FAR2: variants seen among roughly 807,000 people sequenced by gnomAD.
FAR2 encodes the protein fatty acyl-CoA reductase 2.
FAR2 carries 19 observed loss-of-function variants against 56.0 expected under a neutral mutation model. That is an observed-to-expected ratio of 0.34 (90% confidence interval 0.24 to 0.50). The LOEUF is 0.50. Ranked by LOEUF, FAR2 falls within the 20% of genes least tolerant of loss-of-function variation. FAR2 has a pLI of 0.98. For missense variants in FAR2, 508 were observed against 642.2 expected, an observed-to-expected ratio of 0.79 and a Z score of 2.26; for synonymous variants, 219 against 218.8, an observed-to-expected ratio of 1.00 and a Z score of -0.01.
At chr12:29,293,998 T>C (rs1949015981) in intron 3 of FAR2, among the ~76,000 whole-genome samples, 2 of 152,172 alleles carry the variant, frequency 1.3e-5, no homozygotes, top group Non-Finnish European at 1.5e-5. Context: ...CAGATACATA[T>C]CAGATGTTAC....
chr12:29,168,218 G>C (rs1949849443), intron 1 of FAR2, among the ~76,000 whole-genome samples: 1 of 152,140 alleles, frequency 6.6e-6, no homozygotes, highest in Non-Finnish European at 1.5e-5. Context: ...CTCCATAAAA[G>C]GGAAGCCTGC....
intron 8 of FAR2, among the ~76,000 whole-genome samples, chr12:29,314,457 T>C (rs1949411848): frequency 6.8e-6 from 1 of 146,408 alleles, no homozygotes; most frequent in Non-Finnish European, 1.5e-5. Flanking sequence ...TATCTGTCAA[T>C]GAGAATAATA....
chr12:29,230,223 T>A (rs1260217451), intron 1 of FAR2, among the ~76,000 whole-genome samples: 1 of 151,956 alleles, frequency 6.6e-6, no homozygotes, highest in Non-Finnish European at 1.5e-5. Flanking sequence ...ATGGAAAGGA[T>A]GAGCTAAACA....
rs560458959 is a variant in FAR2 at position 29,159,612 on chromosome 12, A to G, written c.-39+10205A>G. Among the ~76,000 whole-genome samples the G allele has an allele frequency of 3.3e-5, 5 of 152,034 alleles. 1 individual carries two copies. Among genetic ancestry groups the G allele is most frequent in the African/African-American group, 1.2e-4 (5 of 41,506 alleles). ...GAAGATCATGAAAATTCTTCCCCAG[A>G]AAACAATGTTCTTGATTCACCACCG... On this transcript the variant is annotated intron_variant, in intron 1 of 11. Transcript: ENST00000536681.
At chr12:29,152,780 TGA>T (rs1447761483) in intron 1 of FAR2, among the ~76,000 whole-genome samples, 2 of 152,216 alleles carry the variant, frequency 1.3e-5, no homozygotes, top group Non-Finnish European at 2.9e-5. Context: ...TGGCACCAAA[TGA>T]GTGGTGCAGA....
intron 1 of FAR2, among the ~76,000 whole-genome samples, chr12:29,217,433 G>A (rs959311851): frequency 2.8e-4 from 42 of 152,338 alleles, no homozygotes; most frequent in South Asian, 1.0e-3. Context: ...CTTTTGCTGA[G>A]TTTCCAGAAG....
intron 2 of FAR2, chr12:29,280,787 A>C (rs1315097467): frequency 6.6e-6 from 1 of 152,246 alleles, no homozygotes; most frequent in African/African-American, 2.4e-5. Context: ...GAGGCACTGG[A>C]CATCATGTGG....
chr12:29,278,515 A>AT (rs76118860), intron 2 of FAR2, among the ~76,000 whole-genome samples: 141 of 145,246 alleles, frequency 9.7e-4, no homozygotes, highest in East Asian at 1.6e-3. Flanking sequence ...ATTGTTTTTA[A>AT]TTTTTTTTTT....
At chr12:29,263,485 A>G (rs1396640515) in intron 1 of FAR2, among the ~76,000 whole-genome samples, 1 of 152,164 alleles carries the variant, frequency 6.6e-6, no homozygotes, top group Admixed American at 6.5e-5. Flanking sequence ...GTAGAAGTCA[A>G]CAACAAGACC....
intron 2 of FAR2, among the ~76,000 whole-genome samples, chr12:29,275,923 CA>C (rs1241901561): frequency 2.2e-4 from 34 of 152,168 alleles, no homozygotes; most frequent in Admixed American, 1.3e-3. Flanking sequence ...TATTTACTGT[CA>C]GCTGTTGACT....
intron 4 of FAR2, among the ~76,000 whole-genome samples, chr12:29,298,415 TTAAA>T (rs1949106944): frequency 6.6e-6 from 1 of 151,958 alleles, no homozygotes; most frequent in South Asian, 2.1e-4. Context: ...TATATACTCT[TTAAA>T]AAGTTTTAGC....
intron 1 of FAR2, among the ~76,000 whole-genome samples, chr12:29,256,451 G>A (rs183940680): frequency 8.5e-5 from 13 of 152,304 alleles, no homozygotes; most frequent in African/African-American, 2.6e-4. Context: ...GCCTCCCAAA[G>A]TGCTAGGATT....
intron 1 of FAR2, among the ~76,000 whole-genome samples, chr12:29,169,659 T>A (rs1949866671): frequency 6.6e-6 from 1 of 152,242 alleles, no homozygotes; most frequent in African/African-American, 2.4e-5. Context: ...AGTCCTCCTT[T>A]CTCAGCATTG....
At chr12:29,310,155 C>T (rs7976961) in intron 6 of FAR2, among the ~76,000 whole-genome samples, 45,731 of 152,038 alleles carry the variant, frequency 0.3, 6,996 homozygotes, top group East Asian at 0.35. Context: ...TTGGGGTGAA[C>T]GTTTAGTGAC....
chr12:29,307,871 C>T (rs1949279314), intron 5 of FAR2, 36 bp downstream of exon 5: 1 of 1,582,148 alleles, frequency 6.3e-7, no homozygotes, highest in South Asian at 1.2e-5. Context: ...GTTTTGCTTC[C>T]AAACTAAGGT....
At chr12:29,262,476 CA>C (rs1398237874) in intron 1 of FAR2, among the ~76,000 whole-genome samples, 2 of 151,862 alleles carry the variant, frequency 1.3e-5, no homozygotes, top group Non-Finnish European at 2.9e-5. Context: ...ACTAAAAATA[CA>C]AAATTAGTCA....
In FAR2 at chr12:29,202,853, G is replaced by A. The variant is rs1001968418; in HGVS notation, c.-39+53446G>A. ...TGCTTCCTGTTTGGCCTGCAAAACC[G>A]TGAGCCAAATAAACCTCTTTTCTTT... On this transcript the variant is annotated intron_variant, in intron 1 of 11. Coordinates refer to ENST00000536681, the MANE Select transcript of FAR2 (RefSeq NM_001271783.2). Among the ~76,000 whole-genome samples, 5 of 152,104 alleles carry A rather than the reference G, an allele frequency of 3.3e-5. No homozygotes were observed. In the South Asian group the frequency reaches 6.2e-4, roughly 19 times the overall value.
intron 1 of FAR2, among the ~76,000 whole-genome samples, chr12:29,234,210 TGTTGGAATATCTA>T (rs1947900214): frequency 6.6e-6 from 1 of 152,138 alleles, no homozygotes; most frequent in South Asian, 2.1e-4. Context: ...AACCCAAGCT[TGTTGGAATATCTA>T]GTTGCTTTAT....
rs1949763402 is a variant in FAR2, at chr12:29,333,733, T to C, written c.1487T>C (p.Ile496Thr). 3.1e-6 allele frequency: 5 copies of C among 1,613,796 alleles called. No homozygotes were observed. The highest frequency in any genetic ancestry group is 1.3e-5 in the African/African-American group (1 of 74,934). ...ATGGCTCGGAATGTCTGGTTCTTCATTGTAAGCTTCTGTTATAAATTCCTC... is the reference window on the plus strand; with the variant it reads ...ATGGCTCGGAATGTCTGGTTCTTCACTGTAAGCTTCTGTTATAAATTCCTC... ...SQMARNVWFF[I>T]VSFCYKFLSY... The change falls in exon 12 of 12, where the codon ATT (isoleucine) becomes ACT (threonine). Residue 496 changes from isoleucine (I) to threonine (T), a missense_variant. By Grantham distance (89) the Ile-to-Thr change is moderately conservative (BLOSUM62 -1). Transcript: ENST00000536681.
Sources: allele counts gnomAD v4.1 joint callset (sites outside exome capture counted in the v4.1 genomes callset), GRCh38; gene constraint gnomAD v4.1.1; transcripts MANE v1.5; gene names NCBI Gene and HGNC (gene_info 2026-07-23, HGNC 2026-07-21).